The following ANO4 variants were observed in gnomAD, a reference collection of about 807,000 sequenced individuals.
The protein encoded by ANO4 is anoctamin 4.
A neutral mutation model predicts 141.9 loss-of-function variants in ANO4; 69 were observed. That is an observed-to-expected ratio of 0.49 (90% CI 0.40 to 0.59). ANO4 has a LOEUF of 0.59. Among genes scored for constraint, ANO4 ranks in the 20% least tolerant of loss-of-function variants. The probability of loss-of-function intolerance (pLI) is 0.00; values close to 1 mark genes in which losing one functional copy is unlikely to be tolerated. For synonymous variants in ANO4, 350 were observed against 394.3 expected (o/e 0.89, Z 1.33); for missense variants, 894 against 1,162.2 (o/e 0.77, Z 3.36).
intron 1 of ANO4, among the ~76,000 whole-genome samples, chr12:100,879,707 G>T (rs2039477526): frequency 1.3e-5 from 2 of 152,152 alleles, no homozygotes; most frequent in African/African-American, 4.8e-5. Flanking sequence ...TCCAACAACT[G>T]TTAATTGGCT....
At chr12:100,740,143 T>C in intron 3 of ANO4, 1 of 699,176 alleles carries the variant, frequency 1.4e-6, no homozygotes, top group Non-Finnish European at 2.6e-6. Context: ...CGGGACTGGG[T>C]GTGTATAAGA....
intron 1 of ANO4, among the ~76,000 whole-genome samples, chr12:100,797,712 G>T (rs2034421591): frequency 6.6e-6 from 1 of 151,724 alleles, no homozygotes; most frequent in Admixed American, 6.6e-5. Flanking sequence ...GTTTCTTTTG[G>T]TGGTGGTTTA....
Position 101,123,987 on chromosome 12 carries a change from A to T in ANO4, c.2677-2892A>T, listed in dbSNP as rs149071701. On this transcript the variant is annotated intron_variant, in intron 26 of 27. Transcript: ENST00000392977. ...GTTTGTGTCCTTTGCCATACAAGTTATAGAATTGCTGGGTAAAATGGTATT... is the reference window on the plus strand; with the variant it reads ...GTTTGTGTCCTTTGCCATACAAGTTTTAGAATTGCTGGGTAAAATGGTATT... Among the ~76,000 whole-genome samples the T allele has an allele frequency of 5.9e-5, 9 of 152,228 alleles. No homozygotes were observed. In the East Asian group the frequency reaches 1.7e-3, roughly 29 times the overall value.
At chr12:100,998,140 G>A (rs2045472496) in intron 8 of ANO4, among the ~76,000 whole-genome samples, 1 of 152,082 alleles carries the variant, frequency 6.6e-6, no homozygotes, top group Non-Finnish European at 1.5e-5. Flanking sequence ...AATCTGGGTG[G>A]GCACCACCAA....
At chr12:100,806,542 T>G (rs1287459655) in intron 1 of ANO4, among the ~76,000 whole-genome samples, 26 of 51,682 alleles carry the variant, frequency 5.0e-4, no homozygotes, top group Non-Finnish European at 8.1e-4. Context: ...TTTTTTTTTT[T>G]TTTTTTTTTT....
chr12:100,997,071 C>G (rs1199444530), intron 8 of ANO4, among the ~76,000 whole-genome samples: 15 of 152,014 alleles, frequency 9.9e-5, no homozygotes, highest in African/African-American at 3.4e-4. Flanking sequence ...TGTGGTGGCT[C>G]ACGCCTGTAA....
At chr12:100,878,339 C>T (rs1297570248) in intron 1 of ANO4, among the ~76,000 whole-genome samples, 1 of 152,192 alleles carries the variant, frequency 6.6e-6, no homozygotes. Flanking sequence ...ATAGTATATG[C>T]ACAATGTTGT....
intron 16 of ANO4, 73 bp from the exon 17 acceptor site, chr12:101,086,587 G>A: frequency 6.4e-7 from 1 of 1,558,232 alleles, no homozygotes; most frequent in Non-Finnish European, 8.8e-7. Context: ...ATCAGAGGAT[G>A]TTCCAGGAAT....
At chr12:101,094,114 A>G (rs1022128660) in intron 17 of ANO4, 142 bp from the exon 18 acceptor site, 1 of 644,418 alleles carries the variant, frequency 1.6e-6, no homozygotes, top group Admixed American at 2.8e-5. Flanking sequence ...TGAGATTTCT[A>G]TACACAATGT....
chr12:101,127,532 T>G (rs61234643), intron 27 of ANO4, among the ~76,000 whole-genome samples: 1 of 152,174 alleles, frequency 6.6e-6, no homozygotes, highest in African/African-American at 2.4e-5. Context: ...GACCAGTAAC[T>G]GATGAAGAAT....
chr12:101,083,823 G>A lies in ANO4; in HGVS notation c.1536+5G>A. ...GCATCTGGAATATTTTTTATGGTTT[G>A]AAACTTTTAAAAAAATATTTGTTTC... On this transcript the variant is annotated splice_donor_5th_base_variant and intron_variant, in intron 16 of 27. Transcript: ENST00000392977. 1.3e-6 allele frequency: 2 copies of A among 1,546,744 alleles called. No individual in the cohort carries two copies. The highest frequency in any genetic ancestry group is 1.7e-6 in the Non-Finnish European group (2 of 1,156,014).
intron 14 of ANO4, among the ~76,000 whole-genome samples, chr12:101,059,798 T>C (rs770706117): frequency 2.2e-4 from 34 of 152,202 alleles, no homozygotes; most frequent in Non-Finnish European, 4.6e-4. Flanking sequence ...TGGCTAGTGG[T>C]CTATGTATTT....
At chr12:100,914,206 T>A (rs1341198667) in intron 2 of ANO4, among the ~76,000 whole-genome samples, 1 of 152,200 alleles carries the variant, frequency 6.6e-6, no homozygotes, top group Non-Finnish European at 1.5e-5. Context: ...ATCTTACCAA[T>A]CCTGGAAAAC....
chr12:100,867,422 G>T (rs1307418681), intron 1 of ANO4, among the ~76,000 whole-genome samples: 2 of 152,154 alleles, frequency 1.3e-5, no homozygotes, highest in Non-Finnish European at 2.9e-5. Flanking sequence ...TCCAAAGGCA[G>T]GAGAAAACTG....
intron 3 of ANO4, among the ~76,000 whole-genome samples, chr12:100,787,375 G>A (rs966515763): frequency 7.2e-5 from 11 of 152,190 alleles, no homozygotes; most frequent in African/African-American, 2.7e-4. Flanking sequence ...AGCTTGGTGA[G>A]TTTTGCAACT....
At chr12:101,047,165 C>T (rs1277456350) in intron 13 of ANO4, among the ~76,000 whole-genome samples, 1 of 152,168 alleles carries the variant, frequency 6.6e-6, no homozygotes, top group Middle Eastern at 3.2e-3. Context: ...AGGAAAATCA[C>T]TTGAACCCAG....
intron 8 of ANO4, among the ~76,000 whole-genome samples, chr12:100,996,655 A>G (rs578023271): frequency 1.3e-5 from 2 of 152,332 alleles, no homozygotes; most frequent in African/African-American, 2.4e-5. Flanking sequence ...ACTGCACTCC[A>G]GCCTGGGCAA....
intron 1 of ANO4, among the ~76,000 whole-genome samples, chr12:100,860,020 C>T (rs1447266992): frequency 6.6e-6 from 1 of 152,110 alleles, no homozygotes. Flanking sequence ...AACATTTCAA[C>T]CCCTTGGTAG....
chr12:100,749,554 G>A (rs185432976), intron 3 of ANO4, among the ~76,000 whole-genome samples: 1 of 152,252 alleles, frequency 6.6e-6, no homozygotes, highest in Admixed American at 6.5e-5. Flanking sequence ...TCCTCCATGT[G>A]TGCTGGTTAT....
Sources: gnomAD v4.1 joint callset for allele counts (sites outside exome capture counted in the v4.1 genomes callset) on GRCh38, gnomAD v4.1.1 for gene constraint, MANE v1.5 for transcripts, NCBI Gene and HGNC (gene_info 2026-07-23, HGNC 2026-07-21) for gene names.